TTC3: variants seen among roughly 807,000 people sequenced by gnomAD.
TTC3 encodes E3 ubiquitin-protein ligase TTC3.
TTC3 carries 180 observed loss-of-function variants against 249.6 expected under a neutral mutation model. The observed-to-expected ratio is 0.72, with a 90% CI of 0.64 to 0.82. The LOEUF (loss-of-function observed/expected upper bound fraction) is 0.82, where lower values mean the gene tolerates loss of function less well. Ranked by LOEUF, TTC3 falls within the 40% of genes least tolerant of loss-of-function variation. The pLI, the probability that TTC3 is intolerant of heterozygous loss-of-function variation, is 0.00. For missense variants in TTC3, 2,061 were observed against 2,398.4 expected (o/e 0.86, Z 2.94); for synonymous variants, 717 against 805.0 (o/e 0.89, Z 1.85).
chr21:37,088,091 CATTT>C, intron 3 of TTC3, 101 bp from the exon 4 acceptor site: 1 of 1,071,256 alleles, frequency 9.3e-7, no homozygotes, highest in East Asian at 2.6e-5. Flanking sequence ...TTCATTCATT[CATTT>C]CTTCCCTCTC....
chr21:37,126,229 T>C lies in TTC3; in HGVS notation c.1297+86T>C, dbSNP rs2077036255. On this transcript the variant is annotated intron_variant, in intron 15 of 45. Coordinates refer to ENST00000355666, the Ensembl canonical transcript of TTC3. The stretch of plus-strand genomic sequence containing the variant: ...GCCCTACAATGTGCACAAGCCTTGC[T>C]TATATCCACTCTTGTTCTCCTTTAC... The C allele has an allele frequency of 4.4e-6, 5 of 1,138,858 alleles. No homozygotes were observed. In the Admixed American group the frequency reaches 1.1e-4, roughly 24 times the overall value. 70.5% of individuals were successfully genotyped at this position (1,138,858 alleles called of 1,614,324 possible). A position where few individuals can be genotyped will look rare whatever the true frequency, so the allele number is the denominator to read the frequency against.
chr21:37,141,780 T>C (rs186715927), intron 20 of TTC3, among the ~76,000 whole-genome samples: 5 of 151,836 alleles, frequency 3.3e-5, no homozygotes, highest in Admixed American at 3.3e-4. Context: ...AAAACAGCAA[T>C]AACACAGAGA....
chr21:37,178,243 C>G (rs2082440949), intron 35 of TTC3, among the ~76,000 whole-genome samples: 1 of 152,144 alleles, frequency 6.6e-6, no homozygotes, highest in Non-Finnish European at 1.5e-5. Context: ...GCGTTCTTTC[C>G]ACTTTTTCAC....
intron 10 of TTC3, chr21:37,101,137 G>A (rs1293637219): frequency 1.3e-5 from 2 of 152,216 alleles, no homozygotes; most frequent in Non-Finnish European, 2.9e-5. Context: ...GGAAACTCAT[G>A]TATTTTTAAA....
At chr21:37,131,956 A>C (rs1243524808) in intron 16 of TTC3, among the ~76,000 whole-genome samples, 1 of 152,198 alleles carries the variant, frequency 6.6e-6, no homozygotes, top group African/African-American at 2.4e-5. Flanking sequence ...TTTTCCCATC[A>C]CATTGAACAT....
intron 23 of TTC3, among the ~76,000 whole-genome samples, chr21:37,149,291 A>T (rs547056833): frequency 6.6e-6 from 1 of 152,336 alleles, no homozygotes; most frequent in Admixed American, 6.5e-5. Context: ...TATGCAGACC[A>T]CTGTTCTTAT....
At chr21:37,135,482 T>C in exon 18 of TTC3, 5 of 1,613,924 alleles carry the variant, frequency 3.1e-6, no homozygotes, top group Non-Finnish European at 4.2e-6. Context: ...CTTTACAGAG[T>C]TGCTGAACGG....
At chr21:37,191,478 C>A in intron 40 of TTC3, 54 bp downstream of exon 40, 1 of 1,148,706 alleles carries the variant, frequency 8.7e-7, no homozygotes, top group Non-Finnish European at 1.2e-6. Context: ...AGTTATAATT[C>A]TCGGGAGGCT....
exon 12 of TTC3, chr21:37,121,920 G>A (rs2076614913): frequency 6.2e-7 from 1 of 1,612,546 alleles, no homozygotes; most frequent in African/African-American, 1.3e-5. Context: ...GACCCTGAGG[G>A]AATCAAGGAT....
At position 37,197,911 on chromosome 21, in the gene TTC3, T is replaced by A. The variant is rs148666458; in HGVS notation, c.5736T>A (p.Tyr1912Ter). Residue 1912 changes from tyrosine to a stop codon, truncating the protein, a stop_gained, in exon 44 of 46, where the codon TAT becomes TAA. Coordinates refer to ENST00000355666, the Ensembl canonical transcript of TTC3. LOFTEE classifies it high-confidence loss of function. ...ACCCAGGAAAGGACAAGAGGACTTA[T>A]GAGCCCAGCTCTGCCACCCCCGTGA... is the stretch of plus-strand genomic sequence containing the variant. The A allele has an allele frequency of 1.2e-6, 2 of 1,614,006 alleles. No individual in the cohort carries two copies. The highest frequency in any genetic ancestry group is 1.7e-6 in the Non-Finnish European group (2 of 1,179,970).
intron 15 of TTC3, 106 bp downstream of exon 15, chr21:37,126,249 C>T (rs1405600654): frequency 3.5e-6 from 3 of 855,306 alleles, no homozygotes; most frequent in African/African-American, 3.4e-5. Context: ...TCTTGTTCTC[C>T]TTTACTTTAT....
intron 13 of TTC3, among the ~76,000 whole-genome samples, chr21:37,124,112 C>CTTGTTTTTTTTT (rs776849307): frequency 1.6e-5 from 1 of 61,272 alleles, no homozygotes; most frequent in Non-Finnish European, 2.8e-5. Context: ...TTGAACTGTT[C>CTTGTTTTTTTTT]TTTTTTTTTT....
intron 13 of TTC3, among the ~76,000 whole-genome samples, chr21:37,124,161 G>A (rs1018782949): frequency 1.0e-4 from 11 of 105,390 alleles, no homozygotes; most frequent in Non-Finnish European, 1.7e-4. Flanking sequence ...TGTCACCTAG[G>A]CTGGAGTGCA....
chr21:37,088,244 A>C (rs1311188847), exon 4 of TTC3: 1 of 1,612,986 alleles, frequency 6.2e-7, no homozygotes, highest in Admixed American at 1.7e-5. Flanking sequence ...TCTGTCCTGC[A>C]AGATTATTGC....
At chr21:37,110,894 G>A (rs373872308) in intron 11 of TTC3, among the ~76,000 whole-genome samples, 2 of 152,076 alleles carry the variant, frequency 1.3e-5, no homozygotes, top group African/African-American at 2.4e-5. Flanking sequence ...GAGTGGGGGC[G>A]AATATTCAAC....
At chr21:37,073,381 C>CG in intron 1 of TTC3, 3 of 983,272 alleles carry the variant, frequency 3.1e-6, no homozygotes, top group Non-Finnish European at 2.4e-6. Context: ...GCACACCCGG[C>CG]GCGCTGCCGG....
At chr21:37,149,702 G>A (rs2079280963) in intron 23 of TTC3, among the ~76,000 whole-genome samples, 2 of 152,098 alleles carry the variant, frequency 1.3e-5, no homozygotes, top group Admixed American at 1.3e-4. Context: ...ATTTTGTGTG[G>A]CTCTATTCCT....
intron 45 of TTC3, 31 bp from the exon 46 acceptor site, chr21:37,201,409 G>T (rs1312214903): frequency 1.9e-6 from 3 of 1,612,598 alleles, no homozygotes; most frequent in Non-Finnish European, 2.5e-6. Flanking sequence ...GGTCCTGAAG[G>T]CATCTTCTGA....
intron 41 of TTC3, among the ~76,000 whole-genome samples, chr21:37,194,221 C>G (rs1382989805): frequency 6.6e-6 from 1 of 152,192 alleles, no homozygotes; most frequent in Non-Finnish European, 1.5e-5. Flanking sequence ...GCTTCGCTTT[C>G]CGTGGTTTCG....
Sources: allele counts gnomAD v4.1 joint callset (sites outside exome capture counted in the v4.1 genomes callset), GRCh38; gene constraint gnomAD v4.1.1; transcripts MANE v1.5; gene names NCBI Gene and HGNC (gene_info 2026-07-23, HGNC 2026-07-21).